Variants in FAM168B observed in about 807,000 individuals in gnomAD.
FAM168B encodes the protein myelin-associated neurite-outgrowth inhibitor.
FAM168B carries 19 observed loss-of-function variants against 21.8 expected under a neutral mutation model. That is an observed-to-expected ratio of 0.87 (90% CI 0.61 to 1.28). FAM168B has a LOEUF of 1.28. Among genes scored for constraint, FAM168B ranks in the 50% most tolerant of loss-of-function variants. The pLI, the probability that FAM168B is intolerant of heterozygous loss-of-function variation, is 0.00. For missense variants in FAM168B, 233 were observed against 263.1 expected (o/e 0.89, Z 0.79); for synonymous variants, 126 against 104.8 (o/e 1.20, Z -1.24).
At chr2:131,066,952 C>A (rs576508020) in intron 3 of FAM168B, among the ~76,000 whole-genome samples, 2 of 152,242 alleles carry the variant, frequency 1.3e-5, no homozygotes, top group African/African-American at 4.8e-5. Flanking sequence ...GCTGGGGAGG[C>A]CTCACAATCA....
intron 3 of FAM168B, 50 bp downstream of exon 3, chr2:131,071,805 C>T (rs1323225677): frequency 6.5e-7 from 1 of 1,530,192 alleles, no homozygotes; most frequent in African/African-American, 1.4e-5. Flanking sequence ...CACCCCTTCA[C>T]CTTTCTCTCC....
At chr2:131,083,342 G>A (rs574015254) in intron 1 of FAM168B, among the ~76,000 whole-genome samples, 15 of 152,262 alleles carry the variant, frequency 9.9e-5, no homozygotes, top group African/African-American at 2.9e-4. Flanking sequence ...GACAGAGCGA[G>A]ACTCCGTCTC....
chr2:131,050,874 C>A lies in FAM168B; in HGVS notation c.*1591G>T. On this transcript the variant is annotated 3_prime_UTR_variant, in exon 7 of 7. Coordinates refer to ENST00000389915, the MANE Select transcript of FAM168B (RefSeq NM_001009993.4). ...ACCACTGCACTGGGAAGAAGACGCA[C>A]GCTCCTGCCCTAGAGGCCGCTGAAA... 1 of 985,534 alleles carries A rather than the reference C, an allele frequency of 1.0e-6. No homozygotes were observed. Among genetic ancestry groups the A allele is most frequent in the Non-Finnish European group, 1.2e-6 (1 of 830,052 alleles). The allele number at this position is 985,534 out of a possible 1,614,324, so 61.0% of individuals were successfully genotyped here. A position where few individuals can be genotyped will look rare whatever the true frequency, so the allele number is the denominator to read the frequency against.
chr2:131,085,061 G>T (rs1693614402), intron 1 of FAM168B, among the ~76,000 whole-genome samples: 1 of 152,150 alleles, frequency 6.6e-6, no homozygotes, highest in Non-Finnish European at 1.5e-5. Flanking sequence ...AGATTAAGGT[G>T]ATCTTTAAGA....
At chr2:131,074,227 C>G (rs1188406178) in intron 2 of FAM168B, among the ~76,000 whole-genome samples, 1 of 152,188 alleles carries the variant, frequency 6.6e-6, no homozygotes, top group African/African-American at 2.4e-5. Context: ...CTCCCTGGTT[C>G]AAGCGATTCT....
chr2:131,053,869 T>A (rs1389262872), intron 5 of FAM168B, among the ~76,000 whole-genome samples: 1 of 151,924 alleles, frequency 6.6e-6, no homozygotes, highest in Non-Finnish European at 1.5e-5. Flanking sequence ...GGCAAGACCC[T>A]GTCTCAACAA....
intron 5 of FAM168B, 117 bp from the exon 6 acceptor site, chr2:131,053,132 G>C (rs1172717109): frequency 1.5e-6 from 2 of 1,361,076 alleles, no homozygotes; most frequent in South Asian, 1.7e-5. Context: ...AAGAGGGATA[G>C]TCTTGACCCA....
At chr2:131,070,536 C>G (rs1189245063) in intron 3 of FAM168B, among the ~76,000 whole-genome samples, 2 of 152,204 alleles carry the variant, frequency 1.3e-5, no homozygotes, top group Non-Finnish European at 2.9e-5. Context: ...ACCAGCCACT[C>G]AAATCCTCTG....
At chr2:131,074,453 C>T (rs1693034755) in intron 2 of FAM168B, among the ~76,000 whole-genome samples, 1 of 152,158 alleles carries the variant, frequency 6.6e-6, no homozygotes, top group African/African-American at 2.4e-5. Context: ...ATTTGGGGCA[C>T]ACAGCCAACA....
At position 131,048,195 on chromosome 2, in the gene FAM168B, C is replaced by T. The variant is rs1258858214; in HGVS notation, c.*4270G>A. Reference sequence around the variant, plus strand: ...TCATTTTTAAAAAAACAAAAAGGAACCGTTTCTTCTTTAGTTACAATCCAT... The same window carrying T: ...TCATTTTTAAAAAAACAAAAAGGAATCGTTTCTTCTTTAGTTACAATCCAT... On this transcript the variant is annotated 3_prime_UTR_variant, in exon 7 of 7. Coordinates refer to ENST00000389915, the MANE Select transcript of FAM168B (RefSeq NM_001009993.4). 1 of 1,253,122 alleles carries T rather than the reference C, an allele frequency of 8.0e-7. No individual in the cohort carries two copies. Among genetic ancestry groups the T allele is most frequent in the Admixed American group, 2.9e-5 (1 of 34,714 alleles). The allele number at this position is 1,253,122 out of a possible 1,614,324, so 77.6% of individuals were successfully genotyped here. A position where few individuals can be genotyped will look rare whatever the true frequency, so the allele number is the denominator to read the frequency against.
intron 2 of FAM168B, among the ~76,000 whole-genome samples, chr2:131,073,365 T>C (rs879878221): frequency 6.6e-6 from 1 of 152,198 alleles, no homozygotes; most frequent in Non-Finnish European, 1.5e-5. Context: ...AGTGCGGGTA[T>C]TACCGGCATG....
At chr2:131,069,041 A>C (rs930431127) in intron 3 of FAM168B, among the ~76,000 whole-genome samples, 2 of 152,146 alleles carry the variant, frequency 1.3e-5, no homozygotes, top group Non-Finnish European at 2.9e-5. Context: ...TGGGTGGCCC[A>C]TGTTCCACAG....
intron 3 of FAM168B, among the ~76,000 whole-genome samples, chr2:131,066,287 T>C (rs1692553956): frequency 6.6e-6 from 1 of 152,152 alleles, no homozygotes; most frequent in East Asian, 1.9e-4. Flanking sequence ...GCCATTCTTC[T>C]GCCTCAACCT....
chr2:131,055,090 G>A (rs1691936393), intron 5 of FAM168B, among the ~76,000 whole-genome samples, 182 bp downstream of exon 5: 1 of 152,162 alleles, frequency 6.6e-6, no homozygotes, highest in Non-Finnish European at 1.5e-5. Flanking sequence ...GCCTCCACAA[G>A]GGGTCACTCA....
chr2:131,056,672 CCCAGATGCCCA>C (rs1692039069), intron 3 of FAM168B, among the ~76,000 whole-genome samples: 2 of 152,282 alleles, frequency 1.3e-5, no homozygotes, highest in Non-Finnish European at 1.5e-5. Context: ...CTGGCAATGG[CCCAGATGCCCA>C]CCAGGAGACA....
At chr2:131,054,639 AG>A (rs1691905510) in intron 5 of FAM168B, among the ~76,000 whole-genome samples, 1 of 152,218 alleles carries the variant, frequency 6.6e-6, no homozygotes, top group African/African-American at 2.4e-5. Context: ...AGAGACCAGG[AG>A]GTGAATCCAC....
intron 1 of FAM168B, among the ~76,000 whole-genome samples, chr2:131,088,604 G>A (rs919389135): frequency 6.6e-6 from 1 of 151,998 alleles, no homozygotes; most frequent in Non-Finnish European, 1.5e-5. Flanking sequence ...GTTTAATCCT[G>A]GTAACAGTAC....
chr2:131,061,782 G>GAA (rs112944472), intron 3 of FAM168B, among the ~76,000 whole-genome samples: 3 of 129,860 alleles, frequency 2.3e-5, no homozygotes, highest in Admixed American at 8.1e-5. Context: ...ACCCTGTCTC[G>GAA]AAAAAAAAAA....
intron 1 of FAM168B, among the ~76,000 whole-genome samples, chr2:131,086,466 G>A (rs1173372344): frequency 6.6e-6 from 1 of 152,118 alleles, no homozygotes; most frequent in Non-Finnish European, 1.5e-5. Context: ...AAAAAGATCA[G>A]CTGGATGCGG....
Sources: allele counts gnomAD v4.1 joint callset (sites outside exome capture counted in the v4.1 genomes callset), GRCh38; gene constraint gnomAD v4.1.1; transcripts MANE v1.5; gene names NCBI Gene and HGNC (gene_info 2026-07-23, HGNC 2026-07-21).